ABCB5: variants seen among roughly 807,000 people sequenced by gnomAD.
ABCB5 encodes the protein ATP-binding cassette sub-family B member 5.
ABCB5 carries 155 observed loss-of-function variants against 144.2 expected under a neutral mutation model. The observed-to-expected ratio is 1.08, with a 90% CI of 0.94 to 1.23. The LOEUF is 1.23. ABCB5 is among the 50% of genes most tolerant of loss of function. ABCB5 has a pLI of 0.00. For synonymous variants in ABCB5, 610 were observed against 528.6 expected, an observed-to-expected ratio of 1.15 and a Z score of -2.11; for missense variants, 1,830 against 1,520.8, an observed-to-expected ratio of 1.20 and a Z score of -3.38.
At chr7:20,723,280 T>C (rs1224669613) in intron 21 of ABCB5, 61 bp downstream of exon 21, 3 of 1,509,862 alleles carry the variant, frequency 2.0e-6, no homozygotes, top group Non-Finnish European at 2.7e-6. Flanking sequence ...CAGAACTTTA[T>C]GATATGTTAA....
chr7:20,709,309 G>A (rs1050210587), intron 20 of ABCB5, among the ~76,000 whole-genome samples: 3 of 149,712 alleles, frequency 2.0e-5, no homozygotes, highest in Non-Finnish European at 4.5e-5. Context: ...TTAGTTTTGC[G>A]AAGAAATTCT....
chr7:20,619,320 C>T (rs545179716), intron 1 of ABCB5, among the ~76,000 whole-genome samples: 10 of 152,268 alleles, frequency 6.6e-5, no homozygotes, highest in African/African-American at 2.2e-4. Context: ...TATAAGTGTT[C>T]CCTCTTCTCC....
At chr7:20,681,083 T>TC (rs1491315401) in intron 14 of ABCB5, among the ~76,000 whole-genome samples, 1 of 18,352 alleles carries the variant, frequency 5.4e-5, no homozygotes, top group African/African-American at 2.2e-4. Flanking sequence ...TTTCTTTCTT[T>TC]CTTTCTTTCT....
Position 20,623,128 on chromosome 7 carries a change from G to C in ABCB5, c.-21-137G>C, listed in dbSNP as rs75076396. On this transcript the variant is annotated intron_variant, in intron 1 of 27. Coordinates refer to ENST00000404938, the MANE Select transcript of ABCB5 (RefSeq NM_001163941.2). ...CCTAGCCAGAAACTTCAATTGGAGT[G>C]GGGGGCTGGGCAGGGCGAAATTCTG... The C allele has an allele frequency of 0.018, 10,307 of 585,150 alleles. 887 individuals carry two copies. In the African/African-American group the frequency reaches 0.18, roughly 10 times the overall value. 36.2% of individuals were successfully genotyped at this position (585,150 alleles called of 1,614,324 possible). A position where few individuals can be genotyped will look rare whatever the true frequency, so the allele number is the denominator to read the frequency against.
intron 16 of ABCB5, among the ~76,000 whole-genome samples, chr7:20,687,189 T>G (rs1786030256): frequency 6.6e-6 from 1 of 152,234 alleles, no homozygotes; most frequent in Non-Finnish European, 1.5e-5. Context: ...TATTGATAGC[T>G]GCTGGACCTC....
At position 20,632,072 on chromosome 7, in the gene ABCB5, C is replaced by T. The variant is rs1258514136; in HGVS notation, c.273C>T (p.Asn91=). The T allele has an allele frequency of 6.6e-7, 1 of 1,522,068 alleles. No homozygotes were observed. The highest frequency in any genetic ancestry group is 2.5e-5 in the East Asian group (1 of 40,448). The allele number at this position is 1,522,068 out of a possible 1,614,324, so 94.3% of individuals were successfully genotyped here. A position where few individuals can be genotyped will look rare whatever the true frequency, so the allele number is the denominator to read the frequency against. Residue 91 remains asparagine, a synonymous_variant, in exon 5 of 28, where the codon AAC becomes AAT. Coordinates refer to ENST00000404938, the MANE Select transcript of ABCB5 (RefSeq NM_001163941.2). The part of the protein sequence containing the change: ...LVQTNTTNYQ[N]CTQSQEKLNE... ...CCTTTTTTACAGCAAATTATCAGAA[C>T]TGTACTCAGTCTCAAGAGAAGCTGA... is the stretch of plus-strand genomic sequence containing the variant.
Position 20,657,179 on chromosome 7 carries a change from G to A in ABCB5, c.1537-1327G>A, listed in dbSNP as rs1583401041. On this transcript the variant is annotated intron_variant, in intron 13 of 27. Coordinates refer to ENST00000404938, the MANE Select transcript of ABCB5 (RefSeq NM_001163941.2). ...CCACCACAACCTCCCAAAGTGCTGG[G>A]ATTACAGGTGTGAACCACCACACCC... Among the ~76,000 whole-genome samples, 3 of 152,120 alleles carry A rather than the reference G, an allele frequency of 2.0e-5. No individual in the cohort carries two copies. The East Asian group carries it at 5.8e-4, about 29-fold the overall frequency.
Position 20,647,653 on chromosome 7 carries a change from G to C in ABCB5, c.1095+5G>C, listed in dbSNP as rs1294579225. On this transcript the variant is annotated splice_donor_5th_base_variant and intron_variant, in intron 10 of 27. Transcript: ENST00000404938. ...ATTTTCCAGGTTATTGATAAGGTAAGACCTCTTATTGCTTTGAAGAATAAC... is the reference window on the plus strand; with the variant it reads ...ATTTTCCAGGTTATTGATAAGGTAACACCTCTTATTGCTTTGAAGAATAAC... 1.2e-5 allele frequency: 18 copies of C among 1,557,994 alleles called. No individual in the cohort carries two copies. The highest frequency in any genetic ancestry group is 1.6e-5 in the Non-Finnish European group (18 of 1,150,518).
intron 5 of ABCB5, chr7:20,641,783 C>G (rs1349888430): frequency 6.6e-6 from 1 of 152,302 alleles, no homozygotes; most frequent in African/African-American, 2.4e-5. Flanking sequence ...AGGTCAAATT[C>G]TCATAATCTA....
rs570879969 is a variant in ABCB5, at chr7:20,640,317, C to T, written c.315-2867C>T. ...TGTGAACCTCTGGTGACAAACTTTT[C>T]GTCAACCAAATAATACACAACCTCA... On this transcript the variant is annotated intron_variant, in intron 5 of 27. Transcript: ENST00000404938. 9.2e-5 allele frequency among the ~76,000 whole-genome samples: 14 copies of T among 152,242 alleles called. No homozygotes were observed. The East Asian group carries it at 1.3e-3, about 15-fold the overall frequency.
intron 13 of ABCB5, among the ~76,000 whole-genome samples, chr7:20,657,997 T>C (rs1461238192): frequency 6.6e-6 from 1 of 152,214 alleles, no homozygotes; most frequent in East Asian, 1.9e-4. Context: ...TTAAAACAAA[T>C]CAAAAGAACA....
At chr7:20,633,228 G>C (rs1188848069) in intron 5 of ABCB5, among the ~76,000 whole-genome samples, 1 of 151,980 alleles carries the variant, frequency 6.6e-6, no homozygotes. Context: ...AGGATGTTCT[G>C]TTTTGTAATT....
chr7:20,639,941 G>A (rs1294853638), intron 5 of ABCB5, among the ~76,000 whole-genome samples: 1 of 152,146 alleles, frequency 6.6e-6, no homozygotes, highest in African/African-American at 2.4e-5. Context: ...TAAATTTGGG[G>A]AAGATTGTCA....
chr7:20,740,940 C>T (rs1466247314), intron 24 of ABCB5, among the ~76,000 whole-genome samples: 1 of 151,774 alleles, frequency 6.6e-6, no homozygotes, highest in East Asian at 1.9e-4. Flanking sequence ...AGCCCCATCG[C>T]TAACAAAAAC....
At chr7:20,702,819 G>T (rs1382684312) in intron 19 of ABCB5, among the ~76,000 whole-genome samples, 1 of 144,298 alleles carries the variant, frequency 6.9e-6, no homozygotes, top group Non-Finnish European at 1.5e-5. Flanking sequence ...CCACCGCCAC[G>T]CCTGGCTAAT....
At chr7:20,700,335 A>C (rs779008744) in intron 19 of ABCB5, among the ~76,000 whole-genome samples, 200 bp downstream of exon 19, 28 of 152,236 alleles carry the variant, frequency 1.8e-4, no homozygotes, top group South Asian at 4.1e-4. Context: ...CGTTAAAAAA[A>C]TACAGCTTAT....
At chr7:20,707,787 T>C (rs1476952175) in intron 20 of ABCB5, among the ~76,000 whole-genome samples, 1 of 146,644 alleles carries the variant, frequency 6.8e-6, no homozygotes, top group Non-Finnish European at 1.5e-5. Flanking sequence ...ACCTGGACAA[T>C]GGTAACCTCA....
chr7:20,746,831 G>C (rs559430411), intron 26 of ABCB5, among the ~76,000 whole-genome samples: 1 of 152,318 alleles, frequency 6.6e-6, no homozygotes, highest in African/African-American at 2.4e-5. Flanking sequence ...ATATTTTCAT[G>C]TAGGGGCGAA....
chr7:20,653,273 A>C (rs546750036), intron 13 of ABCB5, among the ~76,000 whole-genome samples: 1 of 152,334 alleles, frequency 6.6e-6, no homozygotes, highest in Admixed American at 6.5e-5. Flanking sequence ...AACCAAAATA[A>C]ATTAAAGATA....
Sources: gnomAD v4.1 joint callset for allele counts (sites outside exome capture counted in the v4.1 genomes callset) on GRCh38, gnomAD v4.1.1 for gene constraint, MANE v1.5 for transcripts, NCBI Gene and HGNC (gene_info 2026-07-23, HGNC 2026-07-21) for gene names.